Variants in CCSAP observed in about 807,000 individuals in gnomAD.
CCSAP encodes the protein centriole, cilia and spindle associated protein.
CCSAP carries 17 observed loss-of-function variants against 25.9 expected under a neutral mutation model. That is an observed-to-expected ratio of 0.66 (90% CI 0.45 to 0.99). CCSAP has a LOEUF of 0.99. CCSAP is among the 50% of genes least tolerant of loss of function. CCSAP has a pLI of 0.00. For missense variants in CCSAP, 339 were observed against 367.8 expected, an observed-to-expected ratio of 0.92 and a Z score of 0.64; for synonymous variants, 169 against 157.1, an observed-to-expected ratio of 1.08 and a Z score of -0.57.
Position 229,323,370 on chromosome 1 carries a change from G to A in CCSAP, c.*1865C>T, listed in dbSNP as rs1168052501. ...TTCTAAGGCAGTCCGTCAGTGTGGG[G>A]CCTGCACCACTCTCTAAGGCCGTCT... On this transcript the variant is annotated 3_prime_UTR_variant, in exon 4 of 4. Transcript: ENST00000284617. The A allele has an allele frequency of 5.3e-5, 8 of 152,178 alleles. No individual in the cohort carries two copies. The East Asian group carries it at 1.5e-3, about 29-fold the overall frequency. 9.4% of individuals were successfully genotyped at this position (152,178 alleles called of 1,614,324 possible).
chr1:229,326,381 G>A (rs962115903), intron 3 of CCSAP, among the ~76,000 whole-genome samples: 9 of 152,202 alleles, frequency 5.9e-5, no homozygotes, highest in African/African-American at 1.9e-4. Context: ...GAGACCAGTG[G>A]CAAATCCAGA....
At chr1:229,336,289 A>G (rs1658193223) in intron 2 of CCSAP, among the ~76,000 whole-genome samples, 2 of 151,660 alleles carry the variant, frequency 1.3e-5, no homozygotes, top group Admixed American at 1.3e-4. Flanking sequence ...TCCTACCCAG[A>G]AGGTCTGTGG....
chr1:229,342,112 G>T lies in CCSAP; in HGVS notation c.354C>A (p.Asp118Glu), dbSNP rs752874136. 16 of 1,346,066 alleles carry T rather than the reference G, an allele frequency of 1.2e-5. No homozygotes were observed. In the South Asian group the frequency reaches 3.1e-4, roughly 26 times the overall value. The allele number at this position is 1,346,066 out of a possible 1,614,324, so 83.4% of individuals were successfully genotyped here. A position where few individuals can be genotyped will look rare whatever the true frequency, so the allele number is the denominator to read the frequency against. ...AGDAEAEDAE[D>E]AALPALPVKD... ...CGGGCCGGGTACCTGGCAGAGCCGC[G>T]TCCTCCGCGTCCTCGGCCTCCGCGT... The change falls in exon 2 of 4, where the codon GAC becomes GAA. Residue 118 changes from aspartate (D) to glutamate (E), a missense_variant. By Grantham distance (45) the Asp-to-Glu change is conservative (BLOSUM62 2). Transcript: ENST00000284617. This position sits in a 1 kb window ranked among gnomAD's most constrained non-coding sequence, Gnocchi z 7.5.
At chr1:229,330,318 A>G (rs939986081) in intron 2 of CCSAP, among the ~76,000 whole-genome samples, 2 of 152,190 alleles carry the variant, frequency 1.3e-5, no homozygotes, top group African/African-American at 4.8e-5. Flanking sequence ...CAGACCTTCA[A>G]CTGGAGCTCA....
chr1:229,329,119 G>C (rs1303107111), intron 2 of CCSAP, among the ~76,000 whole-genome samples: 1 of 152,232 alleles, frequency 6.6e-6, no homozygotes, highest in Non-Finnish European at 1.5e-5. Context: ...AGAGAAGTGG[G>C]GAAGTGCAAG....
intron 2 of CCSAP, among the ~76,000 whole-genome samples, chr1:229,333,316 C>G (rs1658122752): frequency 6.6e-6 from 1 of 151,512 alleles, no homozygotes; most frequent in South Asian, 2.1e-4. Context: ...GCCTGTAGTC[C>G]CAGCTACTCC....
At position 229,342,298 on chromosome 1, in the gene CCSAP, G is replaced by A. The variant is rs772904629; in HGVS notation, c.168C>T (p.Gly56=). Residue 56 remains glycine (G), a synonymous_variant, in exon 2 of 4, where the codon GGC becomes GGT. Transcript: ENST00000284617. This position sits in a 1 kb window ranked among gnomAD's most constrained non-coding sequence, Gnocchi z 7.5. ...CTGACGACGCCGAGTCCTCCGAGGAGCCGGCCGGGCCCCAGTCGTCCCAGA... is the reference window on the plus strand; with the variant it reads ...CTGACGACGCCGAGTCCTCCGAGGAACCGGCCGGGCCCCAGTCGTCCCAGA... ...PWLWDDWGPA[G]SSEDSASSES... is the part of the protein sequence containing the mutation. 8.0e-5 allele frequency: 113 copies of A among 1,417,544 alleles called. No individual in the cohort carries two copies. The highest frequency in any genetic ancestry group is 9.9e-5 in the Non-Finnish European group (107 of 1,085,046). 87.8% of individuals were successfully genotyped at this position (1,417,544 alleles called of 1,614,324 possible).
chr1:229,325,178 G>T lies in CCSAP; in HGVS notation c.*57C>A. The T allele has an allele frequency of 1.4e-6, 2 of 1,477,078 alleles. No individual in the cohort carries two copies. The highest frequency in any genetic ancestry group is 1.8e-6 in the Non-Finnish European group (2 of 1,104,166). The allele number at this position is 1,477,078 out of a possible 1,614,324, so 91.5% of individuals were successfully genotyped here. On this transcript the variant is annotated 3_prime_UTR_variant, in exon 4 of 4. Coordinates refer to ENST00000284617, the MANE Select transcript of CCSAP (RefSeq NM_145257.5). ...CGTTTCTTTTGATGGTTTTTGTTTT[G>T]TTTTTCCTTTCAGTCATTTACACTT...
intron 2 of CCSAP, chr1:229,327,361 C>T (rs1468543081): frequency 2.8e-6 from 1 of 361,342 alleles, no homozygotes; most frequent in Non-Finnish European, 5.5e-6. Context: ...CTCAATTTTG[C>T]TTTCCTTCAC....
At position 229,322,858 on chromosome 1, in the gene CCSAP, A is replaced by T. The variant is rs949574824; in HGVS notation, c.*2377T>A. ...AATTTTAAAAAGAGTTTTATGTAGC[A>T]TTTATTTTAAATATCATTGGGTTCT... On this transcript the variant is annotated 3_prime_UTR_variant, in exon 4 of 4. Coordinates refer to ENST00000284617, the MANE Select transcript of CCSAP (RefSeq NM_145257.5). 1.3e-5 allele frequency: 2 copies of T among 152,212 alleles called. No homozygotes were observed. The highest frequency in any genetic ancestry group is 2.9e-5 in the Non-Finnish European group (2 of 68,030). 9.4% of individuals were successfully genotyped at this position (152,212 alleles called of 1,614,324 possible).
In CCSAP at chr1:229,331,787, T is replaced by TTTATTATTATTA. The variant is rs139107975; in HGVS notation, c.368-4793_368-4782dup. On this transcript the variant is annotated intron_variant, in intron 2 of 3. Coordinates refer to ENST00000284617, the MANE Select transcript of CCSAP (RefSeq NM_145257.5). ...TCATCTGTGTCCTTTCTAATATCCT[T>TTTATTATTATTA]TTATTATTATTATTATTATTATTAT... Among the ~76,000 whole-genome samples the TTTATTATTATTA allele has an allele frequency of 9.8e-3, 1,381 of 140,600 alleles. 9 individuals are homozygous for TTTATTATTATTA. The highest frequency in any genetic ancestry group is 0.031 in the East Asian group (149 of 4,802). The allele number at this position is 140,600 out of a possible 152,430, so 92.2% of individuals were successfully genotyped here. A position where few individuals can be genotyped will look rare whatever the true frequency, so the allele number is the denominator to read the frequency against.
rs1657810798 is a variant in CCSAP, at chr1:229,321,208, A to G, written c.*4027T>C. 1 of 152,252 alleles carries G rather than the reference A, an allele frequency of 6.6e-6. No individual in the cohort carries two copies. Among genetic ancestry groups the G allele is most frequent in the African/African-American group, 2.4e-5 (1 of 41,472 alleles). 9.4% of individuals were successfully genotyped at this position (152,252 alleles called of 1,614,324 possible). ...GCTCAAAACAAACTTACGATAGCAC[A>G]GGGAAACCTTCCCTAAATAAAGTTT... On this transcript the variant is annotated 3_prime_UTR_variant, in exon 4 of 4. Transcript: ENST00000284617.
In CCSAP at chr1:229,324,359, A is replaced by C. The variant is rs770682810; in HGVS notation, c.*876T>G. 1 of 152,370 alleles carries C rather than the reference A, an allele frequency of 6.6e-6. No individual in the cohort carries two copies. Among genetic ancestry groups the C allele is most frequent in the Non-Finnish European group, 1.5e-5 (1 of 68,032 alleles). The allele number at this position is 152,370 out of a possible 1,614,324, so 9.4% of individuals were successfully genotyped here. On this transcript the variant is annotated 3_prime_UTR_variant, in exon 4 of 4. Transcript: ENST00000284617. ...CATTGCCAGCCATTACAGAAGAGGC[A>C]AAAGTCCACAGTGGGTGTATGCCAA...
chr1:229,327,728 G>A (rs1352504114), intron 2 of CCSAP, among the ~76,000 whole-genome samples: 4 of 152,040 alleles, frequency 2.6e-5, no homozygotes, highest in Non-Finnish European at 5.9e-5. Flanking sequence ...AAAAAATTAG[G>A]CATGGTGGTG....
intron 2 of CCSAP, among the ~76,000 whole-genome samples, chr1:229,335,249 G>A (rs1658169500): frequency 6.6e-6 from 1 of 152,100 alleles, no homozygotes; most frequent in Non-Finnish European, 1.5e-5. Context: ...AACCCAGGAG[G>A]TCAATGCTAC....
At position 229,327,021 on chromosome 1, in the gene CCSAP, T is replaced by G. The variant is rs1354356633; in HGVS notation, c.368-15A>C. 6.3e-6 allele frequency: 10 copies of G among 1,575,082 alleles called. No individual in the cohort carries two copies. Among genetic ancestry groups the G allele is most frequent in the African/African-American group, 4.1e-5 (3 of 72,834 alleles). On this transcript the variant is annotated splice_polypyrimidine_tract_variant and intron_variant, in intron 2 of 3. Coordinates refer to ENST00000284617, the MANE Select transcript of CCSAP (RefSeq NM_145257.5). ...CACTGGCAGTGCTTTTGAAAAGAGA[T>G]AAATGAGATGAAAATACTTTGAAAT...
chr1:229,327,159 C>T (rs569328931), intron 2 of CCSAP, 153 bp from the exon 3 acceptor site: 1 of 612,330 alleles, frequency 1.6e-6, no homozygotes, highest in South Asian at 2.9e-5. Context: ...AATACAGGAA[C>T]AAGTTAGCAT....
chr1:229,339,240 G>C (rs1161132366), intron 2 of CCSAP, among the ~76,000 whole-genome samples: 1 of 152,042 alleles, frequency 6.6e-6, no homozygotes, highest in African/African-American at 2.4e-5. Flanking sequence ...AGAACATAAA[G>C]GCCAAAGAGA....
chr1:229,327,258 C>A (rs1362364832), intron 2 of CCSAP: 2 of 360,758 alleles, frequency 5.5e-6, no homozygotes, highest in African/African-American at 2.1e-5. Context: ...ACTGCTACTC[C>A]GATTCTGAGA....
Sources: gnomAD v4.1 joint callset for allele counts (sites outside exome capture counted in the v4.1 genomes callset) on GRCh38, gnomAD v4.1.1 for gene constraint, Gnocchi (gnomAD v3.1) non-coding constraint, MANE v1.5 for transcripts, NCBI Gene and HGNC (gene_info 2026-07-23, HGNC 2026-07-21) for gene names.